TNRC6B: variants seen among roughly 807,000 people sequenced by gnomAD.
TNRC6B encodes the protein trinucleotide repeat-containing gene 6B protein.
TNRC6B carries 52 observed loss-of-function variants against 203.6 expected under a neutral mutation model. That is an observed-to-expected ratio of 0.26 (90% confidence interval 0.20 to 0.32). The LOEUF (loss-of-function observed/expected upper bound fraction) is 0.32, where lower values mean the gene tolerates loss of function less well. TNRC6B is among the 10% of genes least tolerant of loss of function. The probability of loss-of-function intolerance (pLI) is 1.00; values close to 1 mark genes in which losing one functional copy is unlikely to be tolerated. For missense variants in TNRC6B, 1,923 were observed against 2,286.2 expected (o/e 0.84, Z 3.24); for synonymous variants, 838 against 845.7 (o/e 0.99, Z 0.16).
chr22:40,257,946 G>A (rs1418317459), intron 3 of TNRC6B, among the ~76,000 whole-genome samples: 2 of 152,060 alleles, frequency 1.3e-5, no homozygotes, highest in African/African-American at 2.4e-5. Context: ...CCTGGAAGGT[G>A]GAGGTTGCAG....
chr22:40,251,295 G>A (rs538612658), intron 3 of TNRC6B, 95 bp downstream of exon 3: 584 of 990,870 alleles, frequency 5.9e-4, no homozygotes, highest in African/African-American at 4.6e-3. Context: ...TGAAAAGAGA[G>A]TGGGCGTAGA....
chr22:40,172,020 A>G (rs1340526396), intron 4 of TNRC6B, among the ~76,000 whole-genome samples: 2 of 114,286 alleles, frequency 1.7e-5, no homozygotes, highest in African/African-American at 8.8e-5. Context: ...CACCATGCCC[A>G]GCTAATTTTT....
intron 4 of TNRC6B, among the ~76,000 whole-genome samples, chr22:40,159,002 G>C (rs763366976): frequency 6.6e-6 from 1 of 151,562 alleles, no homozygotes; most frequent in Non-Finnish European, 1.5e-5. Flanking sequence ...TCGCTCTGTC[G>C]CCCAGGCTGG....
chr22:40,278,937 C>T (rs553365965), intron 9 of TNRC6B, among the ~76,000 whole-genome samples: 31 of 152,192 alleles, frequency 2.0e-4, no homozygotes, highest in Non-Finnish European at 3.7e-4. Context: ...GACGGGATTT[C>T]GCCATTTTGG....
intron 1 of TNRC6B, among the ~76,000 whole-genome samples, chr22:40,105,497 C>T (rs1479389631): frequency 2.6e-5 from 4 of 152,184 alleles, no homozygotes; most frequent in Admixed American, 6.5e-5. Flanking sequence ...TCTATTTTTA[C>T]TGTCCATGTC....
chr22:40,156,066 C>A, intron 3 of TNRC6B: 2 of 1,526,824 alleles, frequency 1.3e-6, no homozygotes, highest in South Asian at 2.4e-5. Context: ...TGGAGTGAGT[C>A]GCATTGTAGT....
chr22:40,058,940 C>T (rs2067824142), intron 1 of TNRC6B, among the ~76,000 whole-genome samples: 1 of 152,150 alleles, frequency 6.6e-6, no homozygotes, highest in Non-Finnish European at 1.5e-5. Context: ...TCTAGTTTCT[C>T]CCCAGAAAAC....
chr22:40,174,491 T>C (rs2069036230), upstream of TNRC6B, among the ~76,000 whole-genome samples: 1 of 152,210 alleles, frequency 6.6e-6, no homozygotes, highest in Non-Finnish European at 1.5e-5. Flanking sequence ...AATCATGTTT[T>C]CTGATAAAAA....
chr22:40,175,280 C>T (rs547001280), upstream of TNRC6B, among the ~76,000 whole-genome samples: 1 of 152,090 alleles, frequency 6.6e-6, no homozygotes, highest in Non-Finnish European at 1.5e-5. Context: ...TCGCTTGAAC[C>T]CAGGAGGTGG....
At chr22:40,099,070 T>C (rs932192473) in intron 1 of TNRC6B, among the ~76,000 whole-genome samples, 6 of 152,084 alleles carry the variant, frequency 3.9e-5, no homozygotes, top group African/African-American at 1.2e-4. Flanking sequence ...GCCAAGATGG[T>C]GAAACCCCGT....
At chr22:40,153,841 A>G (rs1386571960) in intron 3 of TNRC6B, among the ~76,000 whole-genome samples, 2 of 151,238 alleles carry the variant, frequency 1.3e-5, no homozygotes, top group South Asian at 2.1e-4. Flanking sequence ...TAAATAATGT[A>G]TATGTATTTA....
Position 40,323,304 on chromosome 22 carries a change from C to A in TNRC6B, c.*63C>A. On this transcript the variant is annotated 3_prime_UTR_variant, in exon 23 of 23. Transcript: ENST00000454349. ...GGAACAGCAGCAGCACTAACTTGAC[C>A]TTTTCGTTTTTTTTTTCAACTTGCA... The A allele has an allele frequency of 1.3e-6, 2 of 1,496,200 alleles. No individual in the cohort carries two copies. Among genetic ancestry groups the A allele is most frequent in the South Asian group, 2.6e-5 (2 of 77,756 alleles). 92.7% of individuals were successfully genotyped at this position (1,496,200 alleles called of 1,614,324 possible). A position where few individuals can be genotyped will look rare whatever the true frequency, so the allele number is the denominator to read the frequency against.
chr22:40,164,824 C>G (rs1460286088), intron 4 of TNRC6B, among the ~76,000 whole-genome samples: 1 of 143,256 alleles, frequency 7.0e-6, no homozygotes, highest in Non-Finnish European at 1.5e-5. Context: ...TCTGCCCAGG[C>G]TGGAGTGCAG....
chr22:40,244,059 G>T (rs1361636758), intron 1 of TNRC6B, among the ~76,000 whole-genome samples: 2 of 151,890 alleles, frequency 1.3e-5, no homozygotes, highest in African/African-American at 4.8e-5. Flanking sequence ...TGGAAGCCAA[G>T]TTACAGCAAC....
chr22:40,293,196 T>TTTC (rs1035192348), intron 12 of TNRC6B, among the ~76,000 whole-genome samples: 17 of 138,868 alleles, frequency 1.2e-4, no homozygotes, highest in Admixed American at 2.9e-4. Context: ...TTTTCTTTTT[T>TTTC]TTTTTTTTTT....
intron 3 of TNRC6B, among the ~76,000 whole-genome samples, chr22:40,132,016 G>C (rs964724674): frequency 5.9e-5 from 9 of 152,186 alleles, no homozygotes; most frequent in African/African-American, 2.2e-4. Context: ...CCATGGATCT[G>C]TCTTATTGTT....
At chr22:40,160,510 T>C (rs2068863109) in intron 4 of TNRC6B, among the ~76,000 whole-genome samples, 1 of 150,820 alleles carries the variant, frequency 6.6e-6, no homozygotes, top group Non-Finnish European at 1.5e-5. Context: ...TTGGTGGCCC[T>C]CACTTCCTTG....
At chr22:40,240,235 G>C (rs1005698156) in intron 1 of TNRC6B, among the ~76,000 whole-genome samples, 1 of 152,204 alleles carries the variant, frequency 6.6e-6, no homozygotes, top group Non-Finnish European at 1.5e-5. Flanking sequence ...CTTCACCTGA[G>C]AGGTTCTCAA....
At chr22:40,253,960 CTG>C (rs1259375051) in intron 3 of TNRC6B, among the ~76,000 whole-genome samples, 2 of 152,164 alleles carry the variant, frequency 1.3e-5, no homozygotes, top group East Asian at 3.9e-4. Context: ...AAAGAAAAGA[CTG>C]TTGGTGCCAA....
Sources: allele counts gnomAD v4.1 joint callset (sites outside exome capture counted in the v4.1 genomes callset), GRCh38; gene constraint gnomAD v4.1.1; transcripts MANE v1.5; gene names NCBI Gene and HGNC (gene_info 2026-07-23, HGNC 2026-07-21).